Variants in TAFA4 observed in about 807,000 individuals in gnomAD.
The protein encoded by TAFA4 is TAFA chemokine like family member 4.
TAFA4 carries 20 observed loss-of-function variants against 21.1 expected under a neutral mutation model. That is an observed-to-expected ratio of 0.95 (90% CI 0.67 to 1.38). The LOEUF (loss-of-function observed/expected upper bound fraction) is 1.38, where lower values mean the gene tolerates loss of function less well. Ranked by LOEUF, TAFA4 falls within the 40% of genes most tolerant of loss-of-function variation. The pLI, the probability that TAFA4 is intolerant of heterozygous loss-of-function variation, is 0.00. For synonymous variants in TAFA4, 71 were observed against 67.4 expected, an observed-to-expected ratio of 1.05 and a Z score of -0.26; for missense variants, 211 against 180.9, an observed-to-expected ratio of 1.17 and a Z score of -0.95.
At position 68,831,094 on chromosome 3, in the gene TAFA4, G is replaced by A. The variant is rs141724742; in HGVS notation, c.130+49636C>T. ...AGCCTATGTGTGTCTTTATATATGA[G>A]ATTGGTCTCCTGAATACAGCACACC... On this transcript the variant is annotated intron_variant, in intron 3 of 5. Coordinates refer to ENST00000295569, the MANE Select transcript of TAFA4 (RefSeq NM_182522.5). Among the ~76,000 whole-genome samples, 420 of 152,242 alleles carry A rather than the reference G, an allele frequency of 2.8e-3. 1 individual carries two copies. Among genetic ancestry groups the A allele is most frequent in the African/African-American group, 9.5e-3 (393 of 41,552 alleles).
chr3:68,842,487 G>T (rs927603400), intron 3 of TAFA4, among the ~76,000 whole-genome samples: 1 of 152,170 alleles, frequency 6.6e-6, no homozygotes, highest in African/African-American at 2.4e-5. Context: ...CTCCCATTCT[G>T]TAGGTTGCCT....
At chr3:68,882,503 C>T (rs2089629972) in intron 2 of TAFA4, among the ~76,000 whole-genome samples, 1 of 152,186 alleles carries the variant, frequency 6.6e-6, no homozygotes. Context: ...CAGTCCCTCC[C>T]ACTAGTCAGT....
intron 3 of TAFA4, among the ~76,000 whole-genome samples, chr3:68,767,404 A>G (rs1414344822): frequency 6.6e-6 from 1 of 152,186 alleles, no homozygotes; most frequent in Non-Finnish European, 1.5e-5. Flanking sequence ...GAACAATAGG[A>G]AATTTCATAA....
chr3:68,736,211 G>A (rs1294507656), intron 5 of TAFA4, among the ~76,000 whole-genome samples: 1 of 151,740 alleles, frequency 6.6e-6, no homozygotes, highest in Non-Finnish European at 1.5e-5. Context: ...ACCCCAGATA[G>A]TAAAAAACTC....
chr3:68,879,782 G>A (rs2106948874), intron 3 of TAFA4, among the ~76,000 whole-genome samples: 1 of 152,208 alleles, frequency 6.6e-6, no homozygotes, highest in South Asian at 2.1e-4. Context: ...TATATATTTG[G>A]TGGTAAGAAT....
intron 3 of TAFA4, among the ~76,000 whole-genome samples, chr3:68,764,453 C>G (rs1702811025): frequency 6.6e-6 from 1 of 152,140 alleles, no homozygotes; most frequent in Admixed American, 6.5e-5. Flanking sequence ...GACTAATACA[C>G]TGTCACTTAG....
intron 1 of TAFA4, among the ~76,000 whole-genome samples, chr3:68,925,083 T>C (rs2090094913): frequency 6.6e-6 from 1 of 152,164 alleles, no homozygotes; most frequent in African/African-American, 2.4e-5. Flanking sequence ...TAAGCAGACC[T>C]AGACAAAGCA....
intron 3 of TAFA4, among the ~76,000 whole-genome samples, chr3:68,873,333 G>GACAGACACACACACACACACAC (rs1348018956): frequency 4.3e-5 from 2 of 46,922 alleles, no homozygotes; most frequent in Admixed American, 3.0e-4. Flanking sequence ...GACACACGCA[G>GACAGACACACACACACACACAC]ACATACACAC....
rs547675699 is a variant in TAFA4 at position 68,854,729 on chromosome 3, G to GT, written c.130+26000dup. Among the ~76,000 whole-genome samples, 568 of 151,168 alleles carry GT rather than the reference G, an allele frequency of 3.8e-3. 3 individuals are homozygous for GT. The highest frequency in any genetic ancestry group is 0.013 in the African/African-American group (548 of 41,134). On this transcript the variant is annotated intron_variant, in intron 3 of 5. Transcript: ENST00000295569. ...TTCTCTCTGGTTGTGTATTTTATTA[G>GT]TTTTTTTAATTTGTTTGTTTCTTTA... is the stretch of plus-strand genomic sequence containing the variant.
At chr3:68,880,626 C>T in intron 3 of TAFA4, 104 bp downstream of exon 3, 3 of 879,982 alleles carry the variant, frequency 3.4e-6, no homozygotes, top group Middle Eastern at 2.3e-4. Context: ...GTTATTTACA[C>T]ACCATCAGAA....
intron 3 of TAFA4, among the ~76,000 whole-genome samples, chr3:68,824,351 C>T (rs1320095771): frequency 2.0e-5 from 3 of 152,170 alleles, no homozygotes; most frequent in Non-Finnish European, 2.9e-5. Flanking sequence ...ATTATTTCTT[C>T]GCCTTTCCCA....
chr3:68,873,338 A>ACACACACG (rs1491334145), intron 3 of TAFA4, among the ~76,000 whole-genome samples: 6 of 7,714 alleles, frequency 7.8e-4, no homozygotes, highest in African/African-American at 2.3e-3. Context: ...ACGCAGACAT[A>ACACACACG]CACACACACA....
chr3:68,876,306 C>T (rs1319128363), intron 3 of TAFA4, among the ~76,000 whole-genome samples: 1 of 152,174 alleles, frequency 6.6e-6, no homozygotes, highest in Admixed American at 6.5e-5. Context: ...GCCTTGCCTA[C>T]CCCCTAGTGT....
chr3:68,847,674 C>T (rs1704840719), intron 3 of TAFA4, among the ~76,000 whole-genome samples: 1 of 152,182 alleles, frequency 6.6e-6, no homozygotes, highest in Non-Finnish European at 1.5e-5. Flanking sequence ...GTTGAGAAGA[C>T]CATGGGAAAA....
chr3:68,772,979 A>G (rs1269810883), intron 3 of TAFA4, among the ~76,000 whole-genome samples: 1 of 152,216 alleles, frequency 6.6e-6, no homozygotes, highest in Non-Finnish European at 1.5e-5. Context: ...TTTTCTGTTA[A>G]TCAGACAACT....
At chr3:68,734,562 TTAAA>T (rs1553713605) in intron 5 of TAFA4, among the ~76,000 whole-genome samples, 2 of 152,070 alleles carry the variant, frequency 1.3e-5, no homozygotes, top group Non-Finnish European at 2.9e-5. Flanking sequence ...AACTGTCAAC[TTAAA>T]GAGTTGTGAC....
chr3:68,826,529 C>T (rs972656098), intron 3 of TAFA4, among the ~76,000 whole-genome samples: 8 of 147,876 alleles, frequency 5.4e-5, no homozygotes, highest in Admixed American at 2.0e-4. Flanking sequence ...GCCGAGATCG[C>T]GCCACCGCAC....
At chr3:68,871,721 C>T (rs2089485064) in intron 3 of TAFA4, among the ~76,000 whole-genome samples, 1 of 151,970 alleles carries the variant, frequency 6.6e-6, no homozygotes, top group African/African-American at 2.4e-5. Flanking sequence ...AAAAACCATC[C>T]AGTTTTAAAA....
chr3:68,752,367 A>C (rs186558161), intron 4 of TAFA4, among the ~76,000 whole-genome samples: 5 of 152,320 alleles, frequency 3.3e-5, no homozygotes, highest in Non-Finnish European at 7.3e-5. Context: ...GGGGATTTGG[A>C]GATTACAAAT....
Sources: allele counts gnomAD v4.1 joint callset (sites outside exome capture counted in the v4.1 genomes callset), GRCh38; gene constraint gnomAD v4.1.1; transcripts MANE v1.5; gene names NCBI Gene and HGNC (gene_info 2026-07-23, HGNC 2026-07-21).